The following TMEM178B variants were observed in gnomAD, a reference collection of about 807,000 sequenced individuals.
The protein encoded by TMEM178B is transmembrane protein 178B.
Under a neutral mutation model 31.0 loss-of-function variants are expected in TMEM178B, and 5 were observed. That is an observed-to-expected ratio of 0.16 (90% CI 0.08 to 0.34). The LOEUF (loss-of-function observed/expected upper bound fraction) is 0.34. Among genes scored for constraint, TMEM178B ranks in the 10% least tolerant of loss-of-function variants. TMEM178B has a pLI of 1.00. For missense variants in TMEM178B, 275 were observed against 400.3 expected, an observed-to-expected ratio of 0.69 and a Z score of 2.67; for synonymous variants, 164 against 164.0, an observed-to-expected ratio of 1.00 and a Z score of 0.00.
chr7:141,144,726 G>T (rs1474522124), intron 1 of TMEM178B, among the ~76,000 whole-genome samples: 1 of 152,056 alleles, frequency 6.6e-6, no homozygotes, highest in Non-Finnish European at 1.5e-5. Flanking sequence ...GCTGGGCTCA[G>T]AGATTTGGGC....
chr7:141,203,979 C>T (rs538778417), intron 1 of TMEM178B, among the ~76,000 whole-genome samples: 2 of 152,212 alleles, frequency 1.3e-5, no homozygotes, highest in East Asian at 1.9e-4. Context: ...CTTGGGAGAA[C>T]CAAAAAGGAA....
At chr7:141,402,752 G>A (rs1054996856) in intron 2 of TMEM178B, among the ~76,000 whole-genome samples, 4 of 152,238 alleles carry the variant, frequency 2.6e-5, no homozygotes, top group Non-Finnish European at 4.4e-5. Flanking sequence ...GTGATGACAG[G>A]CACTTAGGCA....
intron 2 of TMEM178B, among the ~76,000 whole-genome samples, chr7:141,247,777 G>C (rs1563130587): frequency 6.6e-6 from 1 of 152,146 alleles, no homozygotes; most frequent in African/African-American, 2.4e-5. Flanking sequence ...GGTAAACAAT[G>C]ACCAAATTTT....
intron 1 of TMEM178B, among the ~76,000 whole-genome samples, chr7:141,204,819 G>C (rs1796936263): frequency 6.6e-6 from 1 of 152,056 alleles, no homozygotes; most frequent in Non-Finnish European, 1.5e-5. Context: ...CAAAAGAAAT[G>C]GCTTCTGACT....
chr7:141,417,340 T>C (rs1424257548), intron 2 of TMEM178B, among the ~76,000 whole-genome samples: 1 of 152,144 alleles, frequency 6.6e-6, no homozygotes, highest in Non-Finnish European at 1.5e-5. Context: ...GGGAGAACAG[T>C]AGGAAAGAAC....
intron 3 of TMEM178B, among the ~76,000 whole-genome samples, chr7:141,451,167 C>G (rs1166434834): frequency 6.6e-6 from 1 of 152,156 alleles, no homozygotes; most frequent in African/African-American, 2.4e-5. Context: ...GCCTCAGGGC[C>G]AGATGGAATG....
At chr7:141,482,784 C>T (rs546857279), downstream of TMEM178B, among the ~76,000 whole-genome samples, 4 of 152,270 alleles carry the variant, frequency 2.6e-5, no homozygotes, top group South Asian at 4.1e-4. Flanking sequence ...GTCCAGTTGT[C>T]CCCTCCAGTG....
chr7:141,331,720 G>C (rs1400876953), intron 2 of TMEM178B, among the ~76,000 whole-genome samples: 1 of 152,160 alleles, frequency 6.6e-6, no homozygotes, highest in East Asian at 1.9e-4. Flanking sequence ...GAATTTGCTG[G>C]TATTTGATGA....
chr7:141,108,016 G>C (rs1293255449), intron 1 of TMEM178B, among the ~76,000 whole-genome samples: 4 of 152,226 alleles, frequency 2.6e-5, no homozygotes, highest in African/African-American at 9.6e-5. Context: ...GTCAGATGTT[G>C]CTGGTCGAAC....
At chr7:141,506,679 T>C in the TMEM178B span, among the ~76,000 whole-genome samples, 1 of 152,114 alleles carries the variant, frequency 6.6e-6, no homozygotes, top group African/African-American at 2.4e-5. Flanking sequence ...TCCCAAATCT[T>C]ATGTCCTCAC....
At chr7:141,447,816 G>C (rs1383400736) in intron 3 of TMEM178B, among the ~76,000 whole-genome samples, 2 of 152,108 alleles carry the variant, frequency 1.3e-5, no homozygotes, top group African/African-American at 2.4e-5. Flanking sequence ...GTGGGGCCCA[G>C]TGCAGGATGA....
At chr7:141,430,622 C>G (rs1328703115) in intron 2 of TMEM178B, among the ~76,000 whole-genome samples, 1 of 152,142 alleles carries the variant, frequency 6.6e-6, no homozygotes, top group Non-Finnish European at 1.5e-5. Flanking sequence ...CTCTATATGG[C>G]TTCCCAGAAT....
chr7:141,357,154 T>G (rs1377343965), intron 2 of TMEM178B, among the ~76,000 whole-genome samples: 2 of 152,224 alleles, frequency 1.3e-5, no homozygotes, highest in African/African-American at 2.4e-5. Flanking sequence ...TTTTCCCTAA[T>G]GTCAGCCTTA....
chr7:141,113,538 C>T (rs1029012495), intron 1 of TMEM178B, among the ~76,000 whole-genome samples: 1 of 152,140 alleles, frequency 6.6e-6, no homozygotes, highest in African/African-American at 2.4e-5. Context: ...GACAGAATGA[C>T]CAGTCAGAAT....
the TMEM178B span, among the ~76,000 whole-genome samples, chr7:141,490,250 A>C: frequency 6.6e-6 from 1 of 152,260 alleles, no homozygotes; most frequent in Non-Finnish European, 1.5e-5. Context: ...TGAAACCTTA[A>C]GCCTCAGTAC....
intron 2 of TMEM178B, among the ~76,000 whole-genome samples, chr7:141,435,911 C>A (rs1586958923): frequency 6.6e-6 from 1 of 152,154 alleles, no homozygotes; most frequent in East Asian, 1.9e-4. Flanking sequence ...AAGATCTCTG[C>A]CTCTGTGACT....
At position 141,252,197 on chromosome 7, in the gene TMEM178B, TG is replaced by T. The variant is rs550580047; in HGVS notation, c.496+39495del. On this transcript the variant is annotated intron_variant, in intron 2 of 3. Coordinates refer to ENST00000565468, the MANE Select transcript of TMEM178B (RefSeq NM_001195278.2). ...TCCAGAGGATCTTTTCCCCACTAGCTGGTATGGGGCAGGTACCAGTCCATGG... is the reference window on the plus strand; with the variant it reads ...TCCAGAGGATCTTTTCCCCACTAGCTGTATGGGGCAGGTACCAGTCCATGG... Among the ~76,000 whole-genome samples the T allele has an allele frequency of 7.3e-4, 111 of 152,264 alleles. 3 individuals carry two copies. The South Asian group carries it at 0.023, about 31-fold the overall frequency.
At chr7:141,368,056 C>A (rs150305555) in intron 2 of TMEM178B, among the ~76,000 whole-genome samples, 2 of 152,158 alleles carry the variant, frequency 1.3e-5, no homozygotes, top group Non-Finnish European at 2.9e-5. Context: ...CAGTAGCTCA[C>A]GCCTGTAATC....
rs1054314395 is a variant in TMEM178B, at chr7:141,324,940, C to T, written c.496+112236C>T. The stretch of plus-strand genomic sequence containing the variant: ...CATAATCTGCTCTTTGTGACAGCAT[C>T]GTGGTTGCTCTTGGAAATGATTAGG... On this transcript the variant is annotated intron_variant, in intron 2 of 3. Coordinates refer to ENST00000565468, the MANE Select transcript of TMEM178B (RefSeq NM_001195278.2). Among the ~76,000 whole-genome samples, 12 of 152,060 alleles carry T rather than the reference C, an allele frequency of 7.9e-5. No homozygotes were observed. The South Asian group carries it at 8.3e-4, about 11-fold the overall frequency.
Sources: gnomAD v4.1 joint callset for allele counts (sites outside exome capture counted in the v4.1 genomes callset) on GRCh38, gnomAD v4.1.1 for gene constraint, MANE v1.5 for transcripts, NCBI Gene and HGNC (gene_info 2026-07-23, HGNC 2026-07-21) for gene names.